CLYBL: variants seen among roughly 807,000 people sequenced by gnomAD.
CLYBL encodes citramalyl-CoA lyase.
CLYBL carries 31 observed loss-of-function variants against 38.9 expected under a neutral mutation model. The ratio of observed to expected loss-of-function variants is 0.80; its 90% CI spans 0.60 to 1.08. The LOEUF is 1.08. CLYBL is among the 50% of genes least tolerant of loss of function. The pLI, the probability that CLYBL is intolerant of heterozygous loss-of-function variation, is 0.00. For synonymous variants in CLYBL, 171 were observed against 158.6 expected, an observed-to-expected ratio of 1.08 and a Z score of -0.59; for missense variants, 434 against 411.6, an observed-to-expected ratio of 1.05 and a Z score of -0.47.
intron 2 of CLYBL, among the ~76,000 whole-genome samples, chr13:99,800,153 A>AC (rs1004735551): frequency 2.0e-5 from 3 of 151,878 alleles, no homozygotes; most frequent in African/African-American, 7.3e-5. Context: ...ATTCCTTCTC[A>AC]CCCACATGGT....
intron 2 of CLYBL, among the ~76,000 whole-genome samples, chr13:99,788,433 C>A (rs994982612): frequency 6.6e-6 from 1 of 152,180 alleles, no homozygotes; most frequent in South Asian, 2.1e-4. Flanking sequence ...TTGTCAAAGG[C>A]CTTTTCTGCA....
intron 1 of CLYBL, among the ~76,000 whole-genome samples, chr13:99,742,033 C>T (rs2048766193): frequency 6.6e-6 from 1 of 152,210 alleles, no homozygotes; most frequent in Admixed American, 6.5e-5. Context: ...AAATATCTCA[C>T]TTGACAATCA....
At chr13:99,697,515 G>T (rs1057411593) in intron 1 of CLYBL, among the ~76,000 whole-genome samples, 13 of 151,634 alleles carry the variant, frequency 8.6e-5, no homozygotes, top group African/African-American at 2.9e-4. Flanking sequence ...TTACAGGCAC[G>T]TGCCACCACA....
chr13:99,725,516 CT>C (rs2139545462), intron 1 of CLYBL, among the ~76,000 whole-genome samples: 1 of 152,230 alleles, frequency 6.6e-6, no homozygotes, highest in South Asian at 2.1e-4. Flanking sequence ...GACCAGCTTT[CT>C]TGTTTGTGGA....
chr13:99,720,783 A>G (rs1336681559), intron 1 of CLYBL, among the ~76,000 whole-genome samples: 1 of 152,080 alleles, frequency 6.6e-6, no homozygotes, highest in African/African-American at 2.4e-5. Flanking sequence ...TATGTGTTCT[A>G]TAGTTTCACT....
intron 1 of CLYBL, among the ~76,000 whole-genome samples, chr13:99,767,250 T>A (rs191390884): frequency 2.6e-5 from 4 of 152,320 alleles, no homozygotes; most frequent in South Asian, 2.1e-4. Flanking sequence ...CTGGGAACTG[T>A]CTCATCTTCA....
At chr13:99,864,253 C>G (rs2051683312) in intron 4 of CLYBL, among the ~76,000 whole-genome samples, 1 of 152,210 alleles carries the variant, frequency 6.6e-6, no homozygotes, top group Non-Finnish European at 1.5e-5. Flanking sequence ...TTTCAAGATT[C>G]ACGGTTATGT....
chr13:99,771,014 G>A (rs1323507056), intron 1 of CLYBL, among the ~76,000 whole-genome samples: 3 of 141,986 alleles, frequency 2.1e-5, no homozygotes, highest in Non-Finnish European at 4.5e-5. Flanking sequence ...GCCACCACGC[G>A]GGGCCCTTTT....
intron 7 of CLYBL, among the ~76,000 whole-genome samples, chr13:99,871,982 C>A (rs1193093077): frequency 7.2e-6 from 1 of 139,778 alleles, no homozygotes; most frequent in Admixed American, 7.2e-5. Context: ...ATTAAACATT[C>A]CCCCCTGCAA....
chr13:99,713,861 T>A (rs1021106709), intron 1 of CLYBL, among the ~76,000 whole-genome samples: 1 of 151,978 alleles, frequency 6.6e-6, no homozygotes, highest in African/African-American at 2.4e-5. Context: ...TTTTTAAATA[T>A]ATTTTTTTGT....
At chr13:99,762,778 A>G (rs2049190229) in intron 1 of CLYBL, among the ~76,000 whole-genome samples, 1 of 152,354 alleles carries the variant, frequency 6.6e-6, no homozygotes, top group Non-Finnish European at 1.5e-5. Context: ...TTTTAATGAT[A>G]TTAAAGCTGT....
At chr13:99,697,135 T>G (rs2047991914) in intron 1 of CLYBL, among the ~76,000 whole-genome samples, 1 of 152,192 alleles carries the variant, frequency 6.6e-6, no homozygotes. Context: ...ACACATGGGA[T>G]GTAGATGTGG....
At chr13:99,765,247 C>T (rs575695979) in intron 1 of CLYBL, among the ~76,000 whole-genome samples, 93 of 152,186 alleles carry the variant, frequency 6.1e-4, no homozygotes, top group Non-Finnish European at 1.1e-3. Context: ...CTGCTGCTTC[C>T]CCCTGGCCTG....
intron 3 of CLYBL, among the ~76,000 whole-genome samples, chr13:99,861,829 G>A (rs1050725253): frequency 2.6e-5 from 4 of 152,102 alleles, no homozygotes; most frequent in Non-Finnish European, 5.9e-5. Context: ...AGCTAGAAGG[G>A]GAAATAACAC....
intron 1 of CLYBL, among the ~76,000 whole-genome samples, chr13:99,683,500 ATTTT>A (rs2139405124): frequency 6.6e-6 from 1 of 152,146 alleles, no homozygotes; most frequent in Admixed American, 6.5e-5. Context: ...TATATTTTTA[ATTTT>A]TATTTTTTAT....
At chr13:99,772,002 TA>T (rs937292274) in intron 1 of CLYBL, among the ~76,000 whole-genome samples, 1 of 152,224 alleles carries the variant, frequency 6.6e-6, no homozygotes, top group African/African-American at 2.4e-5. Context: ...CCTACTCACT[TA>T]AAAAGAACCA....
intron 1 of CLYBL, among the ~76,000 whole-genome samples, chr13:99,695,624 A>T (rs951056517): frequency 1.3e-5 from 2 of 151,864 alleles, no homozygotes; most frequent in Non-Finnish European, 2.9e-5. Flanking sequence ...AGTTCAAGAG[A>T]TTCTCCTGCC....
rs573183937 is a variant in CLYBL, at chr13:99,768,846, C to T, written c.63-3978C>T. On this transcript the variant is annotated intron_variant, in intron 1 of 8. Transcript: ENST00000339105. ...CTTTTCTGAGCCTTTCTCTGGGCATCCATGGTCATTTCTATTTTCCCCTAT... is the reference window on the plus strand; with the variant it reads ...CTTTTCTGAGCCTTTCTCTGGGCATTCATGGTCATTTCTATTTTCCCCTAT... Among the ~76,000 whole-genome samples, 8 of 152,216 alleles carry T rather than the reference C, an allele frequency of 5.3e-5. 1 individual carries two copies. The highest frequency in any genetic ancestry group is 4.6e-4 in the Admixed American group (7 of 15,274).
downstream of CLYBL, among the ~76,000 whole-genome samples, chr13:99,897,639 C>A (rs2052597743): frequency 6.6e-6 from 1 of 152,128 alleles, no homozygotes; most frequent in South Asian, 2.1e-4. Context: ...CCGTTGCATG[C>A]AACATGTAAA....
Sources: gnomAD v4.1 joint callset for allele counts (sites outside exome capture counted in the v4.1 genomes callset) on GRCh38, gnomAD v4.1.1 for gene constraint, MANE v1.5 for transcripts, NCBI Gene and HGNC (gene_info 2026-07-23, HGNC 2026-07-21) for gene names.